The following SLC22A3 variants were observed in gnomAD, a reference collection of about 807,000 sequenced individuals.
SLC22A3 encodes solute carrier family 22 member 3.
In SLC22A3, 51 loss-of-function variants were observed where a neutral mutation model predicts 59.1. That is an observed-to-expected ratio of 0.86 (90% CI 0.69 to 1.09). The LOEUF (loss-of-function observed/expected upper bound fraction) is 1.09, where lower values mean the gene tolerates loss of function less well. Among genes scored for constraint, SLC22A3 ranks in the 50% least tolerant of loss-of-function variants. SLC22A3 has a pLI of 0.00. For missense variants in SLC22A3, 711 were observed against 726.3 expected (o/e 0.98, Z 0.24); for synonymous variants, 325 against 292.0 (o/e 1.11, Z -1.15).
chr6:160,385,085 G>A (rs1325728312), intron 1 of SLC22A3, among the ~76,000 whole-genome samples: 3 of 152,158 alleles, frequency 2.0e-5, no homozygotes, highest in Admixed American at 6.5e-5. Context: ...CTTTTTGCAG[G>A]ATGCTCCTTT....
chr6:160,368,149 C>A (rs562146732), intron 1 of SLC22A3, among the ~76,000 whole-genome samples: 4 of 152,112 alleles, frequency 2.6e-5, no homozygotes, highest in South Asian at 2.1e-4. Context: ...CCTCCCCACT[C>A]ATACCCTCTC....
chr6:160,407,347 C>A, intron 3 of SLC22A3, 152 bp downstream of exon 3: 1 of 798,526 alleles, frequency 1.3e-6, no homozygotes, highest in South Asian at 2.1e-5. Context: ...TGGGAGAGCT[C>A]AGAGGTAGGA....
chr6:160,423,315 A>G (rs1252756993), intron 5 of SLC22A3, among the ~76,000 whole-genome samples: 1 of 152,236 alleles, frequency 6.6e-6, no homozygotes, highest in African/African-American at 2.4e-5. Flanking sequence ...CCTTTATAGC[A>G]GCATGATTTA....
At chr6:160,400,608 C>A (rs1190785664) in intron 2 of SLC22A3, among the ~76,000 whole-genome samples, 6 of 152,034 alleles carry the variant, frequency 3.9e-5, no homozygotes, top group Admixed American at 3.3e-4. Context: ...ACCCAGTACA[C>A]CATGTCCACC....
intron 5 of SLC22A3, among the ~76,000 whole-genome samples, chr6:160,421,590 C>T (rs921947729): frequency 2.0e-5 from 3 of 152,252 alleles, no homozygotes; most frequent in South Asian, 2.1e-4. Flanking sequence ...CCCTGAGCCC[C>T]GGCAGTATTA....
chr6:160,426,782 C>A (rs995529348), intron 5 of SLC22A3, among the ~76,000 whole-genome samples: 2 of 152,162 alleles, frequency 1.3e-5, no homozygotes, highest in African/African-American at 4.8e-5. Context: ...CATACATGTC[C>A]TTTTCTGACC....
intron 7 of SLC22A3, among the ~76,000 whole-genome samples, chr6:160,437,991 G>A (rs991414795): frequency 4.6e-5 from 7 of 152,206 alleles, no homozygotes; most frequent in African/African-American, 1.4e-4. Flanking sequence ...AGGTGGTCCT[G>A]TGAGCTTGCG....
intron 1 of SLC22A3, among the ~76,000 whole-genome samples, chr6:160,366,333 G>A (rs897534140): frequency 1.3e-5 from 2 of 152,140 alleles, no homozygotes; most frequent in African/African-American, 4.8e-5. Flanking sequence ...TTCCAAATGG[G>A]AAAAATTGGC....
intron 1 of SLC22A3, among the ~76,000 whole-genome samples, chr6:160,362,111 G>T (rs1413360664): frequency 6.6e-6 from 1 of 152,180 alleles, no homozygotes; most frequent in Non-Finnish European, 1.5e-5. Flanking sequence ...TCACCTGGCT[G>T]CAAAACAGGG....
At position 160,348,796 on chromosome 6, in the gene SLC22A3, C is replaced by T. The variant is rs113898574; in HGVS notation, c.377C>T (p.Pro126Leu). The change falls in exon 1 of 11, where the codon CCG becomes CTG. Residue 126 changes from proline to leucine, a missense_variant. By Grantham distance (98) the Pro-to-Leu change is moderately conservative. Coordinates refer to ENST00000275300, the MANE Select transcript of SLC22A3 (RefSeq NM_021977.4). ...CCCAACCGCTCGGCTCCCCTTGTGC[C>T]GTGCCGCGGCGGCTGGCGCTACGCC... ...AFPNRSAPLV[P>L]CRGGWRYAQA... 276 of 1,576,344 alleles carry T rather than the reference C, an allele frequency of 1.8e-4. No homozygotes were observed. The highest frequency in any genetic ancestry group is 3.1e-4 in the African/African-American group (23 of 74,588).
At chr6:160,377,239 C>T (rs1785628871) in intron 1 of SLC22A3, among the ~76,000 whole-genome samples, 1 of 152,158 alleles carries the variant, frequency 6.6e-6, no homozygotes, top group Non-Finnish European at 1.5e-5. Flanking sequence ...AATTCCAGCA[C>T]TCTGGGAGGC....
chr6:160,445,212 G>A lies in SLC22A3; in HGVS notation c.1510+1470G>A, dbSNP rs147524492. Among the ~76,000 whole-genome samples, 26 of 152,344 alleles carry A rather than the reference G, an allele frequency of 1.7e-4. No individual in the cohort carries two copies. The East Asian group carries it at 4.2e-3, about 25-fold the overall frequency. On this transcript the variant is annotated intron_variant, in intron 9 of 10. Transcript: ENST00000275300. ...ACCCTTGACCCCTGAGTGGAAGGGA[G>A]CAGGCCAGGGAGGAAGGAAGCAATG...
chr6:160,436,731 T>C (rs185330861), intron 5 of SLC22A3, 49 bp from the exon 6 acceptor site: 7 of 748,908 alleles, frequency 9.3e-6, no homozygotes, highest in Non-Finnish European at 1.4e-5. Context: ...ACTATGCAGG[T>C]TTTTTTTTTT....
chr6:160,349,541 A>G (rs912399241), intron 1 of SLC22A3, among the ~76,000 whole-genome samples: 1 of 152,224 alleles, frequency 6.6e-6, no homozygotes, highest in African/African-American at 2.4e-5. Context: ...TTCCAACGCA[A>G]ATCCCCAACC....
intron 1 of SLC22A3, among the ~76,000 whole-genome samples, chr6:160,361,024 A>C (rs1344023121): frequency 2.0e-5 from 3 of 152,224 alleles, no homozygotes; most frequent in African/African-American, 7.2e-5. Flanking sequence ...AGCCAAAGTA[A>C]TCAGAACAGC....
intron 10 of SLC22A3, among the ~76,000 whole-genome samples, chr6:160,449,632 T>TATG (rs1788875455): frequency 6.6e-6 from 1 of 152,238 alleles, no homozygotes; most frequent in South Asian, 2.1e-4. Flanking sequence ...TTTCCAAATA[T>TATG]ATGTTAATTC....
chr6:160,357,026 G>A (rs1449432499), intron 1 of SLC22A3, among the ~76,000 whole-genome samples: 1 of 152,134 alleles, frequency 6.6e-6, no homozygotes, highest in Non-Finnish European at 1.5e-5. Context: ...TCTGGGGCAG[G>A]CATCCATCCC....
intron 4 of SLC22A3, among the ~76,000 whole-genome samples, chr6:160,409,389 T>C (rs1209322159): frequency 8.0e-6 from 1 of 125,108 alleles, no homozygotes; most frequent in Admixed American, 8.8e-5. Context: ...CCATGGTGTA[T>C]ATGTGCCACA....
chr6:160,406,554 A>G (rs1185230853), intron 2 of SLC22A3, among the ~76,000 whole-genome samples: 1 of 152,142 alleles, frequency 6.6e-6, no homozygotes, highest in Non-Finnish European at 1.5e-5. Context: ...CCTCTCTACA[A>G]CCTCCCTCTA....
Sources: allele counts gnomAD v4.1 joint callset (sites outside exome capture counted in the v4.1 genomes callset), GRCh38; gene constraint gnomAD v4.1.1; transcripts MANE v1.5; gene names NCBI Gene and HGNC (gene_info 2026-07-23, HGNC 2026-07-21).